Variants in GRM1 observed in about 807,000 individuals in gnomAD.
GRM1 encodes the protein metabotropic glutamate receptor 1.
Under a neutral mutation model 90.9 loss-of-function variants are expected in GRM1, and 33 were observed. The observed-to-expected ratio is 0.36, with a 90% CI of 0.28 to 0.49. The LOEUF (loss-of-function observed/expected upper bound fraction) is 0.49, where lower values mean the gene tolerates loss of function less well. GRM1 is among the 20% of genes least tolerant of loss of function. The pLI, the probability that GRM1 is intolerant of heterozygous loss-of-function variation, is 0.99. For synonymous variants in GRM1, 700 were observed against 613.2 expected (o/e 1.14, Z -2.09); for missense variants, 1,190 against 1,534.3 (o/e 0.78, Z 3.75).
chr6:146,409,117 A>C (rs1583458149), intron 7 of GRM1, among the ~76,000 whole-genome samples: 1 of 152,150 alleles, frequency 6.6e-6, no homozygotes, highest in African/African-American at 2.4e-5. Context: ...CAGGTATCTC[A>C]TATGACATAG....
At position 146,399,792 on chromosome 6, in the gene GRM1, CT is replaced by C; in HGVS notation, c.2660+95del. The C allele has an allele frequency of 2.3e-6, 2 of 855,964 alleles. No homozygotes were observed. The highest frequency in any genetic ancestry group is 3.8e-6 in the Non-Finnish European group (2 of 529,050). The allele number at this position is 855,964 out of a possible 1,614,324, so 53.0% of individuals were successfully genotyped here. A position where few individuals can be genotyped will look rare whatever the true frequency, so the allele number is the denominator to read the frequency against. ...CTCTCTCTTTCTCTGTCTCTCATAT[CT>C]TCCTCTAGTTTTCTGAGTTGTCTCT... On this transcript the variant is annotated intron_variant, in intron 7 of 7. Transcript: ENST00000282753. This position sits in a 1 kb window ranked among gnomAD's most constrained non-coding sequence, Gnocchi z 5.4.
At chr6:146,240,744 C>G (rs1780824809) in intron 2 of GRM1, among the ~76,000 whole-genome samples, 1 of 152,090 alleles carries the variant, frequency 6.6e-6, no homozygotes, top group Admixed American at 6.6e-5. Context: ...ATGCTGGGTA[C>G]TTTTTAAGCA....
At chr6:146,171,769 G>T in intron 2 of GRM1, 1 of 294,624 alleles carries the variant, frequency 3.4e-6, no homozygotes, top group East Asian at 9.8e-5. Context: ...AAGCTGAGGA[G>T]GTGGTGTCAT....
At position 146,304,825 on chromosome 6, in the gene GRM1, A is replaced by C. The variant is rs769064791; in HGVS notation, c.1165A>C (p.Asn389His). Residue 389 changes from asparagine (N) to histidine (H), a missense_variant, in exon 3 of 8, where the codon AAC becomes CAC. Coordinates refer to ENST00000282753, the MANE Select transcript of GRM1 (RefSeq NM_001278064.2). ...TCCAGGACACCTTCTGGAAAATCCCAACTTTAAACGAATCTGCACAGGTAA... is the reference window on the plus strand; with the variant it reads ...TCCAGGACACCTTCTGGAAAATCCCCACTTTAAACGAATCTGCACAGGTAA... ...RLPGHLLENP[N>H]FKRICTGNES... 107 of 1,612,296 alleles carry C rather than the reference A, an allele frequency of 6.6e-5. No homozygotes were observed. Among genetic ancestry groups the C allele is most frequent in the Non-Finnish European group, 8.2e-5 (97 of 1,178,520 alleles).
At chr6:146,097,571 G>T (rs542145945) in intron 1 of GRM1, among the ~76,000 whole-genome samples, 2 of 152,280 alleles carry the variant, frequency 1.3e-5, no homozygotes, top group African/African-American at 4.8e-5. Context: ...CTCTAGAAAA[G>T]CTAGAGCTAT....
At chr6:146,082,449 C>A (rs181239660) in intron 1 of GRM1, among the ~76,000 whole-genome samples, 1 of 152,318 alleles carries the variant, frequency 6.6e-6, no homozygotes, top group Non-Finnish European at 1.5e-5. Flanking sequence ...AGCCACCATG[C>A]CTGGCCTGTG....
At chr6:146,420,729 T>C (rs890717077) in intron 7 of GRM1, among the ~76,000 whole-genome samples, 4 of 152,160 alleles carry the variant, frequency 2.6e-5, no homozygotes, top group African/African-American at 7.2e-5. Flanking sequence ...ATTCTTAACA[T>C]TGGTAAATAA....
chr6:146,115,059 A>G (rs1775690176), intron 1 of GRM1, among the ~76,000 whole-genome samples: 1 of 152,172 alleles, frequency 6.6e-6, no homozygotes, highest in Non-Finnish European at 1.5e-5. Context: ...GATTGAGACA[A>G]TTGCTATTTG....
intron 2 of GRM1, among the ~76,000 whole-genome samples, chr6:146,216,585 A>G (rs1266482248): frequency 3.3e-5 from 5 of 152,140 alleles, no homozygotes; most frequent in Admixed American, 3.3e-4. Flanking sequence ...TTCTTAGAAA[A>G]GTTTATTAAA....
intron 7 of GRM1, among the ~76,000 whole-genome samples, chr6:146,426,058 C>A (rs1778199047): frequency 6.6e-6 from 1 of 152,236 alleles, no homozygotes; most frequent in Non-Finnish European, 1.5e-5. Context: ...TACCACTGGA[C>A]ACTTTCTGTC....
chr6:146,078,175 G>A (rs557278428), intron 1 of GRM1, among the ~76,000 whole-genome samples: 1 of 152,286 alleles, frequency 6.6e-6, no homozygotes. Context: ...GGCTGGGAAT[G>A]TTTCCTAGTG....
intron 2 of GRM1, among the ~76,000 whole-genome samples, chr6:146,179,349 C>A (rs942246964): frequency 6.6e-6 from 1 of 152,094 alleles, no homozygotes; most frequent in Non-Finnish European, 1.5e-5. Flanking sequence ...ATGACCCCAG[C>A]CAGCTAAGCC....
At chr6:146,058,022 A>G (rs1488766552) in intron 1 of GRM1, among the ~76,000 whole-genome samples, 1 of 151,980 alleles carries the variant, frequency 6.6e-6, no homozygotes, top group Admixed American at 6.6e-5. Context: ...TACTTTTTTA[A>G]AAGAGTTATA....
chr6:146,066,901 T>G (rs745682801), intron 1 of GRM1, among the ~76,000 whole-genome samples: 1 of 152,270 alleles, frequency 6.6e-6, no homozygotes, highest in South Asian at 2.1e-4. Context: ...TTATTAATGG[T>G]TGTATGATAC....
chr6:146,369,338 A>G lies in GRM1; in HGVS notation c.1602+11644A>G, dbSNP rs1464763754. Among the ~76,000 whole-genome samples, 7 of 151,494 alleles carry G rather than the reference A, an allele frequency of 4.6e-5. No homozygotes were observed. In the East Asian group the frequency reaches 1.2e-3, roughly 25 times the overall value. On this transcript the variant is annotated intron_variant, in intron 5 of 7. Transcript: ENST00000282753. ...GTTTCATATTTCTACTTTGATATTTATTATTTATTTTCTTCTACTAATTGG... is the reference window on the plus strand; with the variant it reads ...GTTTCATATTTCTACTTTGATATTTGTTATTTATTTTCTTCTACTAATTGG...
At chr6:146,138,771 C>A (rs1256206036) in intron 1 of GRM1, among the ~76,000 whole-genome samples, 1 of 151,920 alleles carries the variant, frequency 6.6e-6, no homozygotes, top group African/African-American at 2.4e-5. Flanking sequence ...TTTCAAAGAA[C>A]TAACTTTTTA....
chr6:146,184,528 G>A (rs535667220), intron 2 of GRM1, among the ~76,000 whole-genome samples: 5 of 151,626 alleles, frequency 3.3e-5, no homozygotes, highest in African/African-American at 7.3e-5. Context: ...TCAGAGTTTC[G>A]TTACTTAACA....
chr6:146,394,936 A>C (rs1052895866), intron 6 of GRM1, among the ~76,000 whole-genome samples: 3 of 152,148 alleles, frequency 2.0e-5, no homozygotes, highest in African/African-American at 7.2e-5. Context: ...ATGAAGCATG[A>C]GCTGGACACA....
intron 2 of GRM1, among the ~76,000 whole-genome samples, chr6:146,184,800 G>A (rs985495737): frequency 1.3e-5 from 2 of 152,144 alleles, no homozygotes; most frequent in African/African-American, 2.4e-5. Flanking sequence ...AAGCCTTCAT[G>A]ATCAACAAGA....
Sources: allele counts gnomAD v4.1 joint callset (sites outside exome capture counted in the v4.1 genomes callset), GRCh38; gene constraint gnomAD v4.1.1; non-coding constraint Gnocchi (gnomAD v3.1); transcripts MANE v1.5; gene names NCBI Gene and HGNC (gene_info 2026-07-23, HGNC 2026-07-21).